Variants in LAMC2 observed in about 807,000 individuals in gnomAD.
LAMC2 encodes laminin subunit gamma 2.
In LAMC2, 97 loss-of-function variants were observed where a neutral mutation model predicts 140.2. That is an observed-to-expected ratio of 0.69 (90% CI 0.59 to 0.82). The LOEUF (loss-of-function observed/expected upper bound fraction) is 0.82. Among genes scored for constraint, LAMC2 ranks in the 40% least tolerant of loss-of-function variants. The pLI is 0.00. For synonymous variants in LAMC2, 513 were observed against 540.2 expected, an observed-to-expected ratio of 0.95 and a Z score of 0.70; for missense variants, 1,402 against 1,476.1, an observed-to-expected ratio of 0.95 and a Z score of 0.82.
chr1:183,205,766 T>A (rs1658865569), intron 1 of LAMC2, among the ~76,000 whole-genome samples: 1 of 151,998 alleles, frequency 6.6e-6, no homozygotes, highest in Non-Finnish European at 1.5e-5. Flanking sequence ...AAAGATTATG[T>A]CTGTTGGATA....
chr1:183,243,246 C>T lies in LAMC2; in HGVS notation c.3428C>T (p.Ser1143Leu). The T allele has an allele frequency of 6.2e-7, 1 of 1,614,126 alleles. No homozygotes were observed. Among genetic ancestry groups the T allele is most frequent in the South Asian group, 1.1e-5 (1 of 91,076 alleles). ...QINSQLRPMM[S>L]ELEERARQQR... is the part of the protein sequence containing the mutation. Reference sequence around the variant, plus strand: ...AACAGCCAACTGCGGCCCATGATGTCAGAGCTGGAAGAGAGGGCACGTCAG... The same window carrying T: ...AACAGCCAACTGCGGCCCATGATGTTAGAGCTGGAAGAGAGGGCACGTCAG... The change falls in exon 23 of 23, where the codon TCA becomes TTA. Residue 1143 changes from serine (S) to leucine (L), a missense_variant. Physicochemically the swap from Ser to Leu is moderately radical, Grantham distance 145. Around this residue, in one of 3 missense-constraint regions of LAMC2, gnomAD observed 670 missense variants for 667.2 expected, o/e 1.00. Coordinates refer to ENST00000264144, the MANE Select transcript of LAMC2 (RefSeq NM_005562.3).
intron 2 of LAMC2, among the ~76,000 whole-genome samples, chr1:183,213,657 AG>A (rs1347264212): frequency 6.9e-6 from 1 of 144,430 alleles, no homozygotes; most frequent in African/African-American, 2.6e-5. Context: ...AAAATTAGCC[AG>A]GTGTGGTGGC....
chr1:183,198,649 G>A (rs889395412), intron 1 of LAMC2, among the ~76,000 whole-genome samples: 7 of 152,182 alleles, frequency 4.6e-5, no homozygotes, highest in Non-Finnish European at 8.8e-5. Flanking sequence ...TCCTGACACC[G>A]TCCCACACAG....
At chr1:183,237,615 A>G (rs953753750) in intron 18 of LAMC2, 111 bp downstream of exon 18, 6 of 1,079,776 alleles carry the variant, frequency 5.6e-6, no homozygotes, top group African/African-American at 1.6e-5. Context: ...ACGGTGACTT[A>G]TCCCTGTAAT....
At chr1:183,247,683 A>C (rs1296512965), downstream of LAMC2, among the ~76,000 whole-genome samples, 1 of 152,252 alleles carries the variant, frequency 6.6e-6, no homozygotes, top group African/African-American at 2.4e-5. Context: ...CATATCTGAT[A>C]ATTAGCTAAT....
chr1:183,203,296 C>A (rs1368652931), intron 1 of LAMC2, among the ~76,000 whole-genome samples: 1 of 152,194 alleles, frequency 6.6e-6, no homozygotes, highest in Non-Finnish European at 1.5e-5. Context: ...CCACCACTTC[C>A]TGTTGCCTTA....
At chr1:183,197,568 T>C (rs931703772) in intron 1 of LAMC2, among the ~76,000 whole-genome samples, 3 of 151,114 alleles carry the variant, frequency 2.0e-5, no homozygotes, top group Non-Finnish European at 4.4e-5. Flanking sequence ...CCCAGCTACT[T>C]GGGAGGCTGA....
chr1:183,199,833 A>G (rs1658650508), intron 1 of LAMC2, among the ~76,000 whole-genome samples: 8 of 152,174 alleles, frequency 5.3e-5, no homozygotes, highest in Admixed American at 5.2e-4. Context: ...AGTGCTCCTG[A>G]TAAAGGAAAT....
rs1437966672 is a variant in LAMC2, at chr1:183,240,087, C to A, written c.3117C>A (p.Ala1039=). The A allele has an allele frequency of 5.0e-6, 8 of 1,613,994 alleles. No individual in the cohort carries two copies. Among genetic ancestry groups the A allele is most frequent in the Non-Finnish European group, 6.8e-6 (8 of 1,180,020 alleles). Residue 1039 remains alanine, a synonymous_variant, in exon 21 of 23, where the codon GCC becomes GCA. Coordinates refer to ENST00000264144, the MANE Select transcript of LAMC2 (RefSeq NM_005562.3). The part of the protein sequence containing the change: ...NLEANVTADG[A]LAMEKGLASL... ...AAGCCAATGTGACAGCAGATGGAGC[C>A]TTGGCCATGGAAAAGGGACTGGCCT...
intron 5 of LAMC2, 114 bp downstream of exon 5, chr1:183,221,075 G>A (rs1659455575): frequency 1.0e-6 from 1 of 1,000,258 alleles, no homozygotes; most frequent in East Asian, 2.5e-5. Flanking sequence ...TTCTCTTATA[G>A]TATTGAATGT....
chr1:183,231,207 G>C (rs906749724), intron 12 of LAMC2, 104 bp downstream of exon 12: 138 of 1,298,264 alleles, frequency 1.1e-4, no homozygotes, highest in African/African-American at 1.5e-5. Context: ...GTCTCCTGAG[G>C]ATGGGAGTAG....
chr1:183,210,432 T>C (rs1659035522), intron 2 of LAMC2, among the ~76,000 whole-genome samples: 1 of 152,158 alleles, frequency 6.6e-6, no homozygotes, highest in African/African-American at 2.4e-5. Flanking sequence ...CTCAGTAAAT[T>C]GTGAATTGAT....
At chr1:183,232,527 G>T in intron 13 of LAMC2, 125 bp from the exon 14 acceptor site, 1 of 1,082,846 alleles carries the variant, frequency 9.2e-7, no homozygotes, top group Non-Finnish European at 1.4e-6. Flanking sequence ...ATAAAAGAAT[G>T]GTTGGATGCA....
chr1:183,210,935 A>G (rs986185975), intron 2 of LAMC2, among the ~76,000 whole-genome samples: 3 of 152,228 alleles, frequency 2.0e-5, no homozygotes, highest in Admixed American at 1.3e-4. Flanking sequence ...TCCCTATGTG[A>G]TTTCTCAGTA....
At chr1:183,234,471 T>C (rs778467731) in intron 15 of LAMC2, 25 bp downstream of exon 15, 1 of 1,582,724 alleles carries the variant, frequency 6.3e-7, no homozygotes, top group South Asian at 1.1e-5. Flanking sequence ...AGGGCACCTC[T>C]GCTTCAAGCC....
chr1:183,189,197 T>C (rs1213695656), intron 1 of LAMC2, among the ~76,000 whole-genome samples: 1 of 152,078 alleles, frequency 6.6e-6, no homozygotes, highest in South Asian at 2.1e-4. Flanking sequence ...GATATGAGTA[T>C]AGGAAAGTTG....
At chr1:183,220,802 T>C (rs1406525293) in intron 4 of LAMC2, 23 bp from the exon 5 acceptor site, 2 of 1,611,538 alleles carry the variant, frequency 1.2e-6, no homozygotes. Context: ...TATAATATCC[T>C]GATTTCTACA....
At chr1:183,234,521 T>C (rs1325766392) in intron 15 of LAMC2, 75 bp downstream of exon 15, 1 of 1,161,036 alleles carries the variant, frequency 8.6e-7, no homozygotes, top group Non-Finnish European at 1.3e-6. Context: ...TGTAGGGTAT[T>C]AGGGACCCAA....
chr1:183,235,412 C>T (rs1287233166), intron 15 of LAMC2, among the ~76,000 whole-genome samples, 163 bp from the exon 16 acceptor site: 1 of 152,240 alleles, frequency 6.6e-6, no homozygotes. Context: ...AAAACACTTT[C>T]TGCTTCTTGA....
Sources: allele counts gnomAD v4.1 joint callset (sites outside exome capture counted in the v4.1 genomes callset), GRCh38; gene constraint gnomAD v4.1.1; regional missense constraint gnomAD v4.1.1; transcripts MANE v1.5; gene names NCBI Gene and HGNC (gene_info 2026-07-23, HGNC 2026-07-21).